CDH18: variants seen among roughly 807,000 people sequenced by gnomAD.
The protein encoded by CDH18 is cadherin 18, also known as cadherin-18.
CDH18 carries 31 observed loss-of-function variants against 67.9 expected under a neutral mutation model. The observed-to-expected ratio is 0.46, with a 90% CI of 0.34 to 0.62. The LOEUF is 0.62. Ranked by LOEUF, CDH18 falls within the 20% of genes least tolerant of loss-of-function variation. The pLI, the probability that CDH18 is intolerant of heterozygous loss-of-function variation, is 0.01. For missense variants in CDH18, 890 were observed against 975.5 expected (o/e 0.91, Z 1.17); for synonymous variants, 362 against 347.2 (o/e 1.04, Z -0.48).
intron 3 of CDH18, among the ~76,000 whole-genome samples, chr5:19,819,180 T>C (rs931243967): frequency 3.9e-5 from 6 of 151,964 alleles, no homozygotes; most frequent in African/African-American, 1.2e-4. Flanking sequence ...GAATAATATA[T>C]ATTGATTAAT....
chr5:20,192,604 G>T (rs974022936), intron 2 of CDH18, among the ~76,000 whole-genome samples: 8 of 152,172 alleles, frequency 5.3e-5, no homozygotes, highest in Admixed American at 3.3e-4. Flanking sequence ...TTAATGAATA[G>T]GAGATCCTTT....
intron 2 of CDH18, among the ~76,000 whole-genome samples, chr5:19,979,242 G>T (rs1175627652): frequency 6.6e-6 from 1 of 151,796 alleles, no homozygotes; most frequent in East Asian, 1.9e-4. Context: ...GTGTGTGTGT[G>T]TGTGTTGAAG....
At chr5:20,404,346 TGATGC>T (rs1202651451) in intron 1 of CDH18, among the ~76,000 whole-genome samples, 5 of 152,322 alleles carry the variant, frequency 3.3e-5, no homozygotes, top group Admixed American at 2.6e-4. Flanking sequence ...GCTTACTCTT[TGATGC>T]AAAAGGCCTA....
intron 2 of CDH18, among the ~76,000 whole-genome samples, chr5:20,223,114 A>G (rs776244325): frequency 6.6e-6 from 1 of 152,118 alleles, no homozygotes; most frequent in Non-Finnish European, 1.5e-5. Flanking sequence ...CAGACACTCA[A>G]TGCCAACCCG....
intron 2 of CDH18, among the ~76,000 whole-genome samples, chr5:20,031,780 CA>C (rs1251395432): frequency 1.3e-5 from 2 of 152,106 alleles, no homozygotes; most frequent in East Asian, 3.8e-4. Context: ...CCACAATTCA[CA>C]AATGTCCTTG....
chr5:19,832,171 T>C (rs966428231), intron 3 of CDH18, among the ~76,000 whole-genome samples: 3 of 152,106 alleles, frequency 2.0e-5, no homozygotes, highest in Non-Finnish European at 4.4e-5. Flanking sequence ...ACTACCTGGG[T>C]AATGGGTTTG....
At chr5:20,186,591 C>A (rs1305024797) in intron 2 of CDH18, among the ~76,000 whole-genome samples, 1 of 151,738 alleles carries the variant, frequency 6.6e-6, no homozygotes, top group Admixed American at 6.6e-5. Context: ...AAATAATAAC[C>A]ATGAAGAGAT....
chr5:20,307,975 T>A (rs983562897), intron 1 of CDH18, among the ~76,000 whole-genome samples: 2 of 152,212 alleles, frequency 1.3e-5, no homozygotes, highest in African/African-American at 4.8e-5. Flanking sequence ...CATTTGTTTT[T>A]ATTGTTGTTA....
intron 2 of CDH18, among the ~76,000 whole-genome samples, chr5:19,903,056 T>G (rs984028966): frequency 1.3e-5 from 2 of 151,896 alleles, no homozygotes; most frequent in African/African-American, 4.8e-5. Flanking sequence ...ATTCTATATC[T>G]CTATACAACA....
At chr5:20,440,359 G>A (rs1447044106) in intron 1 of CDH18, among the ~76,000 whole-genome samples, 1 of 151,846 alleles carries the variant, frequency 6.6e-6, no homozygotes, top group Non-Finnish European at 1.5e-5. Flanking sequence ...TATAGTGAAA[G>A]GTAAGTGGTG....
chr5:19,620,591 G>C (rs1750542911), intron 5 of CDH18, among the ~76,000 whole-genome samples: 1 of 151,726 alleles, frequency 6.6e-6, no homozygotes, highest in South Asian at 2.1e-4. Flanking sequence ...GAGAGAGGGG[G>C]GACATGATCA....
At chr5:20,343,023 T>C (rs922682361) in intron 1 of CDH18, among the ~76,000 whole-genome samples, 1 of 152,180 alleles carries the variant, frequency 6.6e-6, no homozygotes, top group African/African-American at 2.4e-5. Flanking sequence ...ATTGCTTTTC[T>C]CTGTATGTCA....
At chr5:20,451,167 C>T (rs1750417206) in intron 1 of CDH18, among the ~76,000 whole-genome samples, 1 of 152,176 alleles carries the variant, frequency 6.6e-6, no homozygotes, top group Non-Finnish European at 1.5e-5. Flanking sequence ...TTTCTTACTA[C>T]TCTGTAAATT....
chr5:19,781,058 G>A (rs76310732), intron 3 of CDH18, among the ~76,000 whole-genome samples: 5,539 of 152,054 alleles, frequency 0.036, 338 homozygotes, highest in African/African-American at 0.13. Context: ...TCTAATATGC[G>A]TAAGGCCAGA....
At chr5:20,535,660 C>T (rs907462929) in intron 1 of CDH18, among the ~76,000 whole-genome samples, 1 of 152,050 alleles carries the variant, frequency 6.6e-6, no homozygotes, top group African/African-American at 2.4e-5. Context: ...CAGGCTTCTC[C>T]CTCCCGGCTG....
At chr5:19,606,982 T>G (rs1748155616) in intron 6 of CDH18, among the ~76,000 whole-genome samples, 1 of 151,772 alleles carries the variant, frequency 6.6e-6, no homozygotes, top group African/African-American at 2.4e-5. Context: ...CTACAGTTGA[T>G]TTTTCAATGA....
At chr5:20,410,402 A>G (rs1018647890) in intron 1 of CDH18, among the ~76,000 whole-genome samples, 21 of 152,012 alleles carry the variant, frequency 1.4e-4, no homozygotes, top group African/African-American at 4.6e-4. Flanking sequence ...TACCTCATAG[A>G]TGCAAATAAG....
intron 2 of CDH18, among the ~76,000 whole-genome samples, chr5:19,854,939 G>GTTTTTTTT (rs368861040): frequency 2.2e-5 from 3 of 136,468 alleles, no homozygotes; most frequent in Non-Finnish European, 3.2e-5. Flanking sequence ...CATGAGTTCA[G>GTTTTTTTT]TTTTGTTTTT....
intron 2 of CDH18, among the ~76,000 whole-genome samples, chr5:20,053,370 T>G (rs1268448665): frequency 6.6e-6 from 1 of 151,860 alleles, no homozygotes; most frequent in African/African-American, 2.4e-5. Flanking sequence ...TTCCTCTCTC[T>G]TTTTTATTTC....
Sources: allele counts gnomAD v4.1 joint callset (sites outside exome capture counted in the v4.1 genomes callset), GRCh38; gene constraint gnomAD v4.1.1; transcripts MANE v1.5; gene names NCBI Gene and HGNC (gene_info 2026-07-23, HGNC 2026-07-21).